Variants in ARHGEF7 observed in about 807,000 individuals in gnomAD.
ARHGEF7 encodes the protein PAK-interacting exchange factor beta.
Under a neutral mutation model 109.8 loss-of-function variants are expected in ARHGEF7, and 33 were observed. That is an observed-to-expected ratio of 0.30 (90% CI 0.23 to 0.40). The LOEUF (loss-of-function observed/expected upper bound fraction) is 0.40. Ranked by LOEUF, ARHGEF7 falls within the 10% of genes least tolerant of loss-of-function variation. The probability of loss-of-function intolerance (pLI) is 1.00; values close to 1 mark genes in which losing one functional copy is unlikely to be tolerated. For synonymous variants in ARHGEF7, 458 were observed against 424.6 expected (o/e 1.08, Z -0.97); for missense variants, 938 against 1,098.5 (o/e 0.85, Z 2.07).
intron 1 of ARHGEF7, among the ~76,000 whole-genome samples, chr13:111,123,216 C>T (rs1039573443): frequency 3.9e-5 from 6 of 152,218 alleles, no homozygotes; most frequent in Non-Finnish European, 4.4e-5. Context: ...CACTTTTCTG[C>T]ACTCTCTCAG....
chr13:111,266,768 A>G lies in ARHGEF7; in HGVS notation c.951-780A>G, dbSNP rs1595359128. 1 of 455,402 alleles carries G rather than the reference A, an allele frequency of 2.2e-6. No homozygotes were observed. Among genetic ancestry groups the G allele is most frequent in the Middle Eastern group, 3.3e-4 (1 of 3,066 alleles). The allele number at this position is 455,402 out of a possible 1,614,324, so 28.2% of individuals were successfully genotyped here. A position where few individuals can be genotyped will look rare whatever the true frequency, so the allele number is the denominator to read the frequency against. ...GTAATATTGTGGGTATCTGGGGAGC[A>G]AAGACACCCTGGGGTGCAGGGAAGG... On this transcript the variant is annotated intron_variant, in intron 8 of 21. Transcript: ENST00000646102. This position sits in a 1 kb window ranked among gnomAD's most constrained non-coding sequence, Gnocchi z 4.8.
intron 6 of ARHGEF7, among the ~76,000 whole-genome samples, chr13:111,236,715 C>T (rs2086887938): frequency 6.6e-6 from 1 of 152,076 alleles, no homozygotes; most frequent in Non-Finnish European, 1.5e-5. Flanking sequence ...ACCTGTAATC[C>T]CAACACTTTG....
At chr13:111,204,678 A>G (rs2081571345) in intron 2 of ARHGEF7, among the ~76,000 whole-genome samples, 1 of 152,094 alleles carries the variant, frequency 6.6e-6, no homozygotes, top group Non-Finnish European at 1.5e-5. Context: ...ATAGCCCTGG[A>G]CTGGAGGGGA....
At chr13:111,155,341 T>G (rs2153381164) in intron 2 of ARHGEF7, among the ~76,000 whole-genome samples, 1 of 152,350 alleles carries the variant, frequency 6.6e-6, no homozygotes, top group African/African-American at 2.4e-5. Context: ...ACATGGAAAG[T>G]TTATTTAATT....
intron 2 of ARHGEF7, among the ~76,000 whole-genome samples, chr13:111,155,663 T>C (rs183512382): frequency 1.3e-5 from 2 of 152,390 alleles, no homozygotes; most frequent in East Asian, 3.9e-4. Flanking sequence ...TGAGGGATTT[T>C]ATTATATTAT....
At chr13:111,233,327 GT>G in intron 6 of ARHGEF7, 34 bp downstream of exon 6, 1 of 1,536,266 alleles carries the variant, frequency 6.5e-7, no homozygotes, top group Non-Finnish European at 9.0e-7. Context: ...AAACTAACTG[GT>G]TTTTGACTGC....
At chr13:111,183,053 T>C (rs967629762) in intron 2 of ARHGEF7, among the ~76,000 whole-genome samples, 1 of 152,214 alleles carries the variant, frequency 6.6e-6, no homozygotes, top group Admixed American at 6.5e-5. Context: ...AACTTCACGA[T>C]GTTTTTCAGT....
In ARHGEF7 at chr13:111,255,524, A is replaced by T. The variant is rs1308443801; in HGVS notation, c.950+11230A>T. Among the ~76,000 whole-genome samples the T allele has an allele frequency of 6.6e-6, 1 of 152,178 alleles. No homozygotes were observed. Among genetic ancestry groups the T allele is most frequent in the East Asian group, 1.9e-4 (1 of 5,196 alleles). ...ACCATCTGCAAATGCTCGGGGCCCT[A>T]CTTGGCGTCTGGAGCTGAGTTCTCC... On this transcript the variant is annotated intron_variant, in intron 8 of 21. Coordinates refer to ENST00000646102, the MANE Select transcript of ARHGEF7 (RefSeq NM_001354046.2). The surrounding 1 kb of genome is among the most constrained non-coding windows in gnomAD (Gnocchi z 4.1).
Position 111,272,462 on chromosome 13 carries a change from T to C in ARHGEF7, c.1074-1352T>C, listed in dbSNP as rs2092230048. 6.6e-6 allele frequency among the ~76,000 whole-genome samples: 1 copy of C among 152,188 alleles called. No individual in the cohort carries two copies. Among genetic ancestry groups the C allele is most frequent in the African/African-American group, 2.4e-5 (1 of 41,458 alleles). On this transcript the variant is annotated intron_variant, in intron 9 of 21. Transcript: ENST00000646102. The surrounding 1 kb of genome is among the most constrained non-coding windows in gnomAD (Gnocchi z 5.2). The stretch of plus-strand genomic sequence containing the variant: ...GTTTCTCAGTTTTGCTGTTAGGATT[T>C]TCATGTTTATTTTAGGACATCGTTT...
At position 111,221,525 on chromosome 13, in the gene ARHGEF7, ATATATATC is replaced by A. The variant is rs1373015407; in HGVS notation, c.670+3653_670+3660del. On this transcript the variant is annotated intron_variant, in intron 5 of 21. Coordinates refer to ENST00000646102, the MANE Select transcript of ARHGEF7 (RefSeq NM_001354046.2). Reference sequence around the variant, plus strand: ...TATCTATATATATAGATATATATCTATATATATCTATATATAGATACATATCTATATAT... The same window carrying A: ...TATCTATATATATAGATATATATCTATATATATAGATACATATCTATATAT... Among the ~76,000 whole-genome samples the A allele has an allele frequency of 5.7e-4, 19 of 33,416 alleles. No homozygotes were observed. The East Asian group carries it at 7.0e-3, about 12-fold the overall frequency. The allele number at this position is 33,416 out of a possible 152,430, so 21.9% of individuals were successfully genotyped here.
At chr13:111,211,099 G>T (rs989402689) in intron 4 of ARHGEF7, among the ~76,000 whole-genome samples, 1 of 152,202 alleles carries the variant, frequency 6.6e-6, no homozygotes, top group Non-Finnish European at 1.5e-5. Flanking sequence ...CGAGGGGTCT[G>T]ACTGCTTCAG....
At chr13:111,155,707 C>T (rs1012896776) in intron 2 of ARHGEF7, among the ~76,000 whole-genome samples, 6 of 152,186 alleles carry the variant, frequency 3.9e-5, no homozygotes, top group Non-Finnish European at 7.3e-5. Flanking sequence ...TTTACGTTAA[C>T]ATACTTTTGA....
intron 2 of ARHGEF7, among the ~76,000 whole-genome samples, chr13:111,202,386 G>A (rs988314448): frequency 6.6e-6 from 1 of 152,216 alleles, no homozygotes; most frequent in African/African-American, 2.4e-5. Context: ...GAACACTGCT[G>A]GAGTATCCTG....
Position 111,238,637 on chromosome 13 carries a change from G to GC in ARHGEF7, c.760-5230dup, listed in dbSNP as rs781580163. On this transcript the variant is annotated intron_variant, in intron 6 of 21. Transcript: ENST00000646102. ...ATTTGACAGTGAAAGCACACTCGTT[G>GC]CCCCCATGGCATGGTGACTGGCATC... Among the ~76,000 whole-genome samples, 37 of 152,222 alleles carry GC rather than the reference G, an allele frequency of 2.4e-4. No homozygotes were observed. The Middle Eastern group carries it at 0.01, about 42-fold the overall frequency.
rs1433604265 is a variant in ARHGEF7 at position 111,145,516 on chromosome 13, C to T, written c.166-8389C>T. On this transcript the variant is annotated intron_variant, in intron 1 of 21. Coordinates refer to ENST00000646102, the MANE Select transcript of ARHGEF7 (RefSeq NM_001354046.2). The surrounding 1 kb of genome is among the most constrained non-coding windows in gnomAD (Gnocchi z 4.3). ...GCCTGACAGGAGCCATGGTCTTCCG[C>T]GAGTGGTGTGTTGGTAAATGTTAAA... Among the ~76,000 whole-genome samples, 3 of 152,142 alleles carry T rather than the reference C, an allele frequency of 2.0e-5. No individual in the cohort carries two copies. The highest frequency in any genetic ancestry group is 4.4e-5 in the Non-Finnish European group (3 of 68,024).
intron 1 of ARHGEF7, among the ~76,000 whole-genome samples, chr13:111,151,373 C>A (rs927089999): frequency 1.3e-5 from 2 of 152,238 alleles, no homozygotes; most frequent in Admixed American, 1.3e-4. Context: ...TGCCAGCCAG[C>A]CTGCACTGGC....
At chr13:111,297,913 C>T (rs980944544) in intron 19 of ARHGEF7, among the ~76,000 whole-genome samples, 20 of 152,198 alleles carry the variant, frequency 1.3e-4, no homozygotes, top group Admixed American at 6.5e-5. Flanking sequence ...TTGCCTGATC[C>T]GCAGTTACAT....
chr13:111,286,739 T>C (rs78568181), intron 17 of ARHGEF7, among the ~76,000 whole-genome samples: 3,358 of 152,282 alleles, frequency 0.022, 127 homozygotes, highest in African/African-American at 0.077. Context: ...TGGGTTCCTA[T>C]GTGGCCTCGC....
chr13:111,259,813 G>C (rs2090890635), intron 8 of ARHGEF7, among the ~76,000 whole-genome samples: 1 of 152,136 alleles, frequency 6.6e-6, no homozygotes, highest in African/African-American at 2.4e-5. Flanking sequence ...ACAGATATGT[G>C]ACCTTTCAGA....
Sources: gnomAD v4.1 joint callset for allele counts (sites outside exome capture counted in the v4.1 genomes callset) on GRCh38, gnomAD v4.1.1 for gene constraint, Gnocchi (gnomAD v3.1) non-coding constraint, MANE v1.5 for transcripts, NCBI Gene and HGNC (gene_info 2026-07-23, HGNC 2026-07-21) for gene names.